Variants in TIMD4 observed in about 807,000 individuals in gnomAD.
TIMD4 encodes the protein T cell immunoglobulin and mucin domain containing 4.
TIMD4 carries 31 observed loss-of-function variants against 41.2 expected under a neutral mutation model. The observed-to-expected ratio is 0.75, with a 90% CI of 0.57 to 1.01. The LOEUF (loss-of-function observed/expected upper bound fraction) is 1.01, where lower values mean the gene tolerates loss of function less well. TIMD4 is among the 50% of genes least tolerant of loss of function. The pLI is 0.00. For synonymous variants in TIMD4, 204 were observed against 177.1 expected (o/e 1.15, Z -1.21); for missense variants, 479 against 472.5 (o/e 1.01, Z -0.13).
rs537436908 is a variant in TIMD4 at position 156,942,491 on chromosome 5, A to G, written c.844+5925T>C. ...CATCCCCTGGAAGTTCATAGACACAAGTTTAAAATCCCTGAAATGCGGATG... is the reference window on the plus strand; with the variant it reads ...CATCCCCTGGAAGTTCATAGACACAGGTTTAAAATCCCTGAAATGCGGATG... On this transcript the variant is annotated intron_variant, in intron 5 of 8. Coordinates refer to ENST00000274532, the MANE Select transcript of TIMD4 (RefSeq NM_138379.3). Among the ~76,000 whole-genome samples, 5 of 152,290 alleles carry G rather than the reference A, an allele frequency of 3.3e-5. No individual in the cohort carries two copies. In the South Asian group the frequency reaches 1.0e-3, roughly 32 times the overall value.
chr5:156,960,540 G>T (rs1446107440), intron 1 of TIMD4, among the ~76,000 whole-genome samples: 2 of 151,760 alleles, frequency 1.3e-5, no homozygotes. Context: ...CTGAGTAGCT[G>T]GGATTACAGG....
chr5:156,940,398 C>A (rs1486222284), intron 5 of TIMD4, among the ~76,000 whole-genome samples: 3 of 152,154 alleles, frequency 2.0e-5, no homozygotes, highest in South Asian at 2.1e-4. Flanking sequence ...AAGTGAGGAG[C>A]GTCTCTGCCT....
chr5:156,944,172 G>C (rs866893411), intron 5 of TIMD4, among the ~76,000 whole-genome samples: 1 of 152,130 alleles, frequency 6.6e-6, no homozygotes, highest in African/African-American at 2.4e-5. Flanking sequence ...AGATTTGGGG[G>C]GAGTGGGACC....
chr5:156,954,727 C>T lies in TIMD4; in HGVS notation c.88G>A (p.Glu30Lys), dbSNP rs1476604642. 1 of 1,613,218 alleles carries T rather than the reference C, an allele frequency of 6.2e-7. No individual in the cohort carries two copies. Among genetic ancestry groups the T allele is most frequent in the African/African-American group, 1.3e-5 (1 of 74,916 alleles). The change falls in exon 2 of 9, where the codon GAG (glutamate) becomes AAG (lysine). Residue 30 changes from glutamate to lysine, a missense_variant. Coordinates refer to ENST00000274532, the MANE Select transcript of TIMD4 (RefSeq NM_138379.3). ...AAAGTCACCCGGTGACCCAAAACCTCCGTCACAACAGTCTCTGAAGTGACT... is the reference window on the plus strand; with the variant it reads ...AAAGTCACCCGGTGACCCAAAACCTTCGTCACAACAGTCTCTGAAGTGACT... ...TPVTSETVVT[E>K]VLGHRVTLPC...
chr5:156,947,619 A>G (rs1759768627), intron 5 of TIMD4, among the ~76,000 whole-genome samples: 1 of 152,270 alleles, frequency 6.6e-6, no homozygotes, highest in Admixed American at 6.5e-5. Context: ...GTATCTACAT[A>G]GATTAAAGAA....
chr5:156,949,611 A>T, intron 4 of TIMD4, 40 bp downstream of exon 4: 1 of 1,499,848 alleles, frequency 6.7e-7, no homozygotes, highest in Non-Finnish European at 9.3e-7. Flanking sequence ...TCCTCAGTAC[A>T]AAGGGTGAGG....
intron 6 of TIMD4, among the ~76,000 whole-genome samples, chr5:156,925,738 T>G (rs946311695): frequency 3.9e-5 from 6 of 152,258 alleles, no homozygotes; most frequent in Admixed American, 1.3e-4. Flanking sequence ...CTTTTCAAAG[T>G]ATTGGCACAT....
At chr5:156,938,467 T>C (rs767376107) in intron 5 of TIMD4, among the ~76,000 whole-genome samples, 3 of 152,198 alleles carry the variant, frequency 2.0e-5, no homozygotes, top group Non-Finnish European at 4.4e-5. Context: ...CTGGAATTCA[T>C]GGATTAGATA....
At chr5:156,956,594 A>G (rs1759973570) in intron 1 of TIMD4, among the ~76,000 whole-genome samples, 2 of 152,260 alleles carry the variant, frequency 1.3e-5, no homozygotes, top group African/African-American at 4.8e-5. Context: ...GAGAACCACT[A>G]GACAAGCTCC....
intron 6 of TIMD4, among the ~76,000 whole-genome samples, chr5:156,923,606 A>G (rs931637614): frequency 2.0e-5 from 3 of 151,490 alleles, no homozygotes; most frequent in East Asian, 1.9e-4. Context: ...GGCAATGATT[A>G]CAGCTCACTG....
chr5:156,952,405 C>T (rs1759879540), intron 2 of TIMD4, among the ~76,000 whole-genome samples: 1 of 152,150 alleles, frequency 6.6e-6, no homozygotes, highest in African/African-American at 2.4e-5. Flanking sequence ...CTGCAAGCTA[C>T]AAGCCTCCAT....
At chr5:156,957,092 C>T (rs569231202) in intron 1 of TIMD4, among the ~76,000 whole-genome samples, 14 of 151,630 alleles carry the variant, frequency 9.2e-5, no homozygotes, top group African/African-American at 2.7e-4. Flanking sequence ...CACAGTGGCG[C>T]GATCTCAGCT....
intron 6 of TIMD4, among the ~76,000 whole-genome samples, chr5:156,922,623 T>TGAAC (rs1759264585): frequency 6.6e-6 from 1 of 152,230 alleles, no homozygotes; most frequent in African/African-American, 2.4e-5. Flanking sequence ...GCAGTGGTTC[T>TGAAC]CAAAGTCTAG....
intron 5 of TIMD4, 70 bp from the exon 6 acceptor site, chr5:156,926,382 G>C (rs778360945): frequency 8.1e-6 from 12 of 1,484,218 alleles, no homozygotes; most frequent in Non-Finnish European, 1.0e-5. Flanking sequence ...CCTGAAATAG[G>C]TAATTAAGAG....
chr5:156,922,161 A>G lies in TIMD4; in HGVS notation c.950T>C (p.Met317Thr), dbSNP rs779642915. ...KNEMPISQLL[M>T]IIAPSLGFVL... Reference sequence around the variant, plus strand: ...AAATCCCAAGGAGGGGGCGATGATCATCAGTAGTTGGGAGATGGGCATTTC... The same window carrying G: ...AAATCCCAAGGAGGGGGCGATGATCGTCAGTAGTTGGGAGATGGGCATTTC... Residue 317 changes from methionine to threonine, a missense_variant, in exon 7 of 9, where the codon ATG becomes ACG. Met to Thr is a moderately conservative substitution (Grantham distance 81, BLOSUM62 -1). Transcript: ENST00000274532. 11 of 1,614,102 alleles carry G rather than the reference A, an allele frequency of 6.8e-6. No individual in the cohort carries two copies. In the East Asian group the frequency reaches 2.2e-4, roughly 33 times the overall value.
chr5:156,950,463 GA>G (rs1263484179), intron 3 of TIMD4, among the ~76,000 whole-genome samples: 3 of 152,208 alleles, frequency 2.0e-5, no homozygotes, highest in African/African-American at 7.2e-5. Flanking sequence ...GTACTATTCA[GA>G]GTATAATAGA....
chr5:156,928,985 AGAGACATTTTG>A (rs1244293558), intron 5 of TIMD4, among the ~76,000 whole-genome samples: 2 of 152,332 alleles, frequency 1.3e-5, no homozygotes, highest in African/African-American at 2.4e-5. Context: ...GTCCAATGGG[AGAGACATTTTG>A]CAAACACAAA....
intron 5 of TIMD4, among the ~76,000 whole-genome samples, chr5:156,928,709 G>A (rs1759393532): frequency 6.6e-6 from 1 of 152,186 alleles, no homozygotes; most frequent in African/African-American, 2.4e-5. Context: ...CATCAGGAAA[G>A]TGACTTGTTA....
intron 2 of TIMD4, 68 bp downstream of exon 2, chr5:156,954,347 A>G (rs778131170): frequency 2.8e-6 from 4 of 1,453,208 alleles, no homozygotes; most frequent in Non-Finnish European, 3.8e-6. Flanking sequence ...ACCACCATCC[A>G]CTGATCCCAT....
Sources: gnomAD v4.1 joint callset for allele counts (sites outside exome capture counted in the v4.1 genomes callset) on GRCh38, gnomAD v4.1.1 for gene constraint, MANE v1.5 for transcripts, NCBI Gene and HGNC (gene_info 2026-07-23, HGNC 2026-07-21) for gene names.